MSH6: variants seen among roughly 807,000 people sequenced by gnomAD.
MSH6 encodes DNA mismatch repair protein Msh6.
MSH6 carries 85 observed loss-of-function variants against 119.1 expected under a neutral mutation model. That is an observed-to-expected ratio of 0.71 (90% CI 0.60 to 0.85). The LOEUF is 0.85. Among genes scored for constraint, MSH6 ranks in the 40% least tolerant of loss-of-function variants. The probability of loss-of-function intolerance (pLI) is 0.00; values close to 1 mark genes in which losing one functional copy is unlikely to be tolerated. For synonymous variants in MSH6, 830 were observed against 586.9 expected, an observed-to-expected ratio of 1.41 and a Z score of -5.99; for missense variants, 2,163 against 1,655.3, an observed-to-expected ratio of 1.31 and a Z score of -5.32.
intron 3 of MSH6, chr2:47,797,913 A>C (rs1344597899): frequency 4.6e-6 from 1 of 219,772 alleles, no homozygotes; most frequent in East Asian, 1.1e-4. Context: ...CATGAGCTCA[A>C]ACTCAAGCCT....
downstream of MSH6, chr2:47,809,968 A>G: frequency 6.0e-6 from 3 of 497,568 alleles, no homozygotes; most frequent in South Asian, 9.5e-5. Flanking sequence ...TTTCATTTGC[A>G]TCCATTTTAA....
At chr2:47,801,317 C>T in intron 4 of MSH6, 162 bp downstream of exon 4, 2 of 418,314 alleles carry the variant, frequency 4.8e-6, no homozygotes, top group South Asian at 3.1e-5. Context: ...ATTTAAGTTA[C>T]TTGAAACTCG....
rs587779298 is a variant in MSH6, at chr2:47,791,061, A to G, written c.395A>G (p.Gln132Arg). Residue 132 changes from glutamine (Q) to arginine (R), a missense_variant, in exon 2 of 10, where the codon CAG (glutamine) becomes CGG (arginine). By Grantham distance (43) the Gln-to-Arg change is conservative. Coordinates refer to ENST00000234420, the MANE Select transcript of MSH6 (RefSeq NM_000179.3). The part of the protein sequence containing the change: ...EKGKSVRVHV[Q>R]FFDDSPTRGW... ...GGGAAATCAGTCCGTGTTCATGTAC[A>G]GTTTTTTGATGACAGCCCAACAAGG... 5 of 1,614,224 alleles carry G rather than the reference A, an allele frequency of 3.1e-6. No homozygotes were observed. The highest frequency in any genetic ancestry group is 4.2e-6 in the Non-Finnish European group (5 of 1,180,042).
rs745642001 is a variant in MSH6, at chr2:47,783,378, G to T, written c.145G>T (p.Ala49Ser). The change falls in exon 1 of 10, where the codon GCC (alanine) becomes TCC (serine). Residue 49 changes from alanine (A) to serine (S), a missense_variant. Ala to Ser is a moderately conservative substitution (Grantham distance 99). Coordinates refer to ENST00000234420, the MANE Select transcript of MSH6 (RefSeq NM_000179.3). ...GASPSPGGDA[A>S]WSEAGPGPRP... The stretch of plus-strand genomic sequence containing the variant: ...CTCTCCTTCCCCAGGCGGGGATGCG[G>T]CCTGGAGCGAGGCTGGGCCTGGGCC... The T allele has an allele frequency of 6.3e-7, 1 of 1,594,660 alleles. No homozygotes were observed. The highest frequency in any genetic ancestry group is 1.3e-5 in the African/African-American group (1 of 74,192).
chr2:47,806,715 G>A (rs1670177304), intron 9 of MSH6, 64 bp downstream of exon 9: 1 of 1,576,742 alleles, frequency 6.3e-7, no homozygotes. Flanking sequence ...AACAGTAAAA[G>A]GGGAAGGGAT....
rs1558394171 is a variant in MSH6, at chr2:47,806,587, A to G, written c.3937A>G (p.Ile1313Val). 6.2e-7 allele frequency: 1 copy of G among 1,613,700 alleles called. No homozygotes were observed. Reference sequence around the variant, plus strand: ...GCTTGCTAATCTCCCAGAGGAAGTTATTCAAAAGGGACATAGAAAAGCAAG... The same window carrying G: ...GCTTGCTAATCTCCCAGAGGAAGTTGTTCAAAAGGGACATAGAAAAGCAAG... ...ARLANLPEEV[I>V]QKGHRKAREF... Residue 1313 changes from isoleucine to valine, a missense_variant, in exon 9 of 10, where the codon ATT (isoleucine) becomes GTT (valine). Coordinates refer to ENST00000234420, the MANE Select transcript of MSH6 (RefSeq NM_000179.3).
At chr2:47,808,160 G>A, downstream of MSH6, 1 of 1,613,304 alleles carries the variant, frequency 6.2e-7, no homozygotes, top group Non-Finnish European at 8.5e-7. Flanking sequence ...GTGGAGCAGA[G>A]TCATATAGTG....
chr2:47,795,270 T>TA (rs976789119), intron 2 of MSH6, among the ~76,000 whole-genome samples: 30 of 152,210 alleles, frequency 2.0e-4, no homozygotes, highest in Admixed American at 1.5e-3. Flanking sequence ...GTTTCACCAG[T>TA]AGTTTTTCCC....
rs886940607 is a variant in MSH6, at chr2:47,798,475, G to A, written c.628-136G>A. ...AATTGCCTATCTCATGTAATTCATC[G>A]AATACTGTACTAAAAATGAAAAACA... is the stretch of plus-strand genomic sequence containing the variant. On this transcript the variant is annotated intron_variant, in intron 3 of 9. Transcript: ENST00000234420. 2.8e-5 allele frequency: 24 copies of A among 862,270 alleles called. No individual in the cohort carries two copies. The African/African-American group carries it at 3.7e-4, about 13-fold the overall frequency. 53.4% of individuals were successfully genotyped at this position (862,270 alleles called of 1,614,324 possible). A position where few individuals can be genotyped will look rare whatever the true frequency, so the allele number is the denominator to read the frequency against.
intron 2 of MSH6, 110 bp from the exon 3 acceptor site, chr2:47,795,784 A>G (rs1669043285): frequency 1.1e-6 from 1 of 911,932 alleles, no homozygotes. Context: ...ATATATTTTA[A>G]GATAGAGATG....
At chr2:47,786,194 C>T (rs1252350786) in intron 1 of MSH6, among the ~76,000 whole-genome samples, 1 of 152,110 alleles carries the variant, frequency 6.6e-6, no homozygotes, top group Non-Finnish European at 1.5e-5. Flanking sequence ...AGAGGAAGGT[C>T]TGCAAATTGT....
At chr2:47,806,089 T>C in intron 7 of MSH6, 115 bp from the exon 8 acceptor site, 1 of 1,010,836 alleles carries the variant, frequency 9.9e-7, no homozygotes, top group Admixed American at 2.0e-5. Context: ...ATAGAATGCT[T>C]TTAGACGTGG....
chr2:47,783,343 C>G lies in MSH6; in HGVS notation c.110C>G (p.Ala37Gly). ...CGCGAAGGCGGCCGTGCCGCCGCTG[C>G]CCCCGGGGCCTCTCCTTCCCCAGGC... is the stretch of plus-strand genomic sequence containing the variant. ...ASREGGRAAAAPGASPSPGGD... is the reference protein window; with the variant it reads ...ASREGGRAAAGPGASPSPGGD... Residue 37 changes from alanine to glycine, a missense_variant, in exon 1 of 10, where the codon GCC (alanine) becomes GGC (glycine). Physicochemically the swap from Ala to Gly is moderately conservative, Grantham distance 60 (BLOSUM62 0). Coordinates refer to ENST00000234420, the MANE Select transcript of MSH6 (RefSeq NM_000179.3). 1 of 1,609,686 alleles carries G rather than the reference C, an allele frequency of 6.2e-7. No individual in the cohort carries two copies. Among genetic ancestry groups the G allele is most frequent in the African/African-American group, 1.3e-5 (1 of 74,806 alleles).
At chr2:47,795,461 C>CT (rs1669022876) in intron 2 of MSH6, among the ~76,000 whole-genome samples, 8 of 116,072 alleles carry the variant, frequency 6.9e-5, no homozygotes, top group African/African-American at 2.0e-4. Context: ...TACATATATA[C>CT]ATTTTTTTTT....
Position 47,803,610 on chromosome 2 carries a change from G to C in MSH6, c.3363G>C (p.Glu1121Asp), listed in dbSNP as rs377226210. 2 of 1,614,080 alleles carry C rather than the reference G, an allele frequency of 1.2e-6. No individual in the cohort carries two copies. The highest frequency in any genetic ancestry group is 1.3e-5 in the African/African-American group (1 of 74,926). The change falls in exon 5 of 10, where the codon GAG (glutamate) becomes GAC (aspartate). Residue 1121 changes from glutamate (E) to aspartate (D), a missense_variant. Glu to Asp is a conservative substitution (Grantham distance 45, BLOSUM62 2). Coordinates refer to ENST00000234420, the MANE Select transcript of MSH6 (RefSeq NM_000179.3). ...TTCTAATAGGCTGTGAGGAAGAGGA[G>C]CAGGAAAATGGCAAAGCCTATTGTG... is the stretch of plus-strand genomic sequence containing the variant. ...NDILIGCEEE[E>D]QENGKAYCVL... is the part of the protein sequence containing the mutation.
Position 47,800,431 on chromosome 2 carries a change from A to C in MSH6, c.2448A>C (p.Pro816=). The change falls in exon 4 of 10, where the codon CCA becomes CCC. Residue 816 remains proline (P), a synonymous_variant. Coordinates refer to ENST00000234420, the MANE Select transcript of MSH6 (RefSeq NM_000179.3). ...TTGTAGAGCTTCTAAAGAAGCTTCCAGATCTTGAGAGGCTACTCAGTAAAA... is the reference window on the plus strand; with the variant it reads ...TTGTAGAGCTTCTAAAGAAGCTTCCCGATCTTGAGAGGCTACTCAGTAAAA... The part of the protein sequence containing the change: ...SEVVELLKKL[P]DLERLLSKIH... 1.2e-6 allele frequency: 2 copies of C among 1,614,094 alleles called. No individual in the cohort carries two copies. The highest frequency in any genetic ancestry group is 1.7e-6 in the Non-Finnish European group (2 of 1,180,030).
intron 1 of MSH6, among the ~76,000 whole-genome samples, chr2:47,788,968 C>T (rs1189016012): frequency 9.4e-6 from 1 of 106,298 alleles, no homozygotes. Flanking sequence ...GTCTGTCGTC[C>T]AGGCTGGAAT....
At chr2:47,798,567 C>T (rs2104285690) in intron 3 of MSH6, 44 bp from the exon 4 acceptor site, 2 of 1,598,022 alleles carry the variant, frequency 1.3e-6, no homozygotes, top group Non-Finnish European at 1.7e-6. Flanking sequence ...TTATGGTTTT[C>T]CAAATTTTGA....
chr2:47,808,036 G>A (rs1572753480), downstream of MSH6: 3 of 1,262,838 alleles, frequency 2.4e-6, no homozygotes, highest in South Asian at 2.7e-5. Flanking sequence ...TGTAGCATGG[G>A]CAAATATTTT....
Sources: gnomAD v4.1 joint callset for allele counts (sites outside exome capture counted in the v4.1 genomes callset) on GRCh38, gnomAD v4.1.1 for gene constraint, MANE v1.5 for transcripts, NCBI Gene and HGNC (gene_info 2026-07-23, HGNC 2026-07-21) for gene names.